ST8SIA1: variants seen among roughly 807,000 people sequenced by gnomAD.
The protein encoded by ST8SIA1 is ST8 alpha-N-acetyl-neuraminide alpha-2,8-sialyltransferase 1.
In ST8SIA1, 16 loss-of-function variants were observed where a neutral mutation model predicts 35.9. The observed-to-expected ratio is 0.45, with a 90% CI of 0.30 to 0.68. The LOEUF (loss-of-function observed/expected upper bound fraction) is 0.68. Ranked by LOEUF, ST8SIA1 falls within the 30% of genes least tolerant of loss-of-function variation. The pLI, the probability that ST8SIA1 is intolerant of heterozygous loss-of-function variation, is 0.09. For missense variants in ST8SIA1, 383 were observed against 453.6 expected (o/e 0.84, Z 1.41); for synonymous variants, 170 against 169.6 (o/e 1.00, Z -0.02).
At chr12:22,280,240 G>A (rs751109835) in intron 2 of ST8SIA1, among the ~76,000 whole-genome samples, 7 of 152,036 alleles carry the variant, frequency 4.6e-5, no homozygotes, top group African/African-American at 7.2e-5. Flanking sequence ...AATTAAAATC[G>A]GAGGCAAATT....
At position 22,281,523 on chromosome 12, in the gene ST8SIA1, A is replaced by T. The variant is rs571412040; in HGVS notation, c.381+5626T>A. Among the ~76,000 whole-genome samples the T allele has an allele frequency of 3.9e-5, 6 of 152,326 alleles. No individual in the cohort carries two copies. In the South Asian group the frequency reaches 1.2e-3, roughly 32 times the overall value. On this transcript the variant is annotated intron_variant, in intron 2 of 4. Transcript: ENST00000396037. ...AGAAGCAATGCAAGGTTTCCCCTTT[A>T]TAAAACTCAAAATAATGTAAATGCT... is the stretch of plus-strand genomic sequence containing the variant.
At chr12:22,263,361 T>G (rs573170530) in intron 2 of ST8SIA1, among the ~76,000 whole-genome samples, 1 of 152,322 alleles carries the variant, frequency 6.6e-6, no homozygotes, top group African/African-American at 2.4e-5. Flanking sequence ...TTGTGATCAT[T>G]CTTCTCCTGG....
chr12:22,334,026 C>A lies in ST8SIA1; in HGVS notation c.207G>T (p.Arg69Ser). The change falls in exon 1 of 5, where the codon AGG becomes AGT. Residue 69 changes from arginine to serine, a missense_variant. Transcript: ENST00000396037. ...ACGCTCTGGCCGCGGTCTGGTTCCT[C>A]CTCCACGCCGTGCCCTGTTGCAGCA... The part of the protein sequence containing the change: ...QGVLQQGTAW[R>S]RNQTAARAFR... The A allele has an allele frequency of 6.2e-7, 1 of 1,613,960 alleles. No homozygotes were observed. Among genetic ancestry groups the A allele is most frequent in the Non-Finnish European group, 8.5e-7 (1 of 1,180,016 alleles).
chr12:22,307,330 A>T (rs1420825660), intron 1 of ST8SIA1, among the ~76,000 whole-genome samples: 1 of 152,098 alleles, frequency 6.6e-6, no homozygotes, highest in Non-Finnish European at 1.5e-5. Context: ...CTCTTGGCCT[A>T]GTCAATCTCC....
chr12:22,324,034 A>T (rs1866640763), intron 1 of ST8SIA1, among the ~76,000 whole-genome samples: 1 of 152,226 alleles, frequency 6.6e-6, no homozygotes, highest in African/African-American at 2.4e-5. Context: ...AAAGAAAGAA[A>T]AAACCAATAT....
chr12:22,316,979 A>C (rs1193425563), intron 1 of ST8SIA1, among the ~76,000 whole-genome samples: 1 of 152,218 alleles, frequency 6.6e-6, no homozygotes, highest in East Asian at 1.9e-4. Context: ...ATTGGAACAC[A>C]ATTCATAAAT....
Position 22,195,737 on chromosome 12 carries a change from T to A in ST8SIA1, c.*5815A>T, listed in dbSNP as rs1028672760. The A allele has an allele frequency of 6.6e-6, 1 of 152,228 alleles. No individual in the cohort carries two copies. Among genetic ancestry groups the A allele is most frequent in the African/African-American group, 2.4e-5 (1 of 41,454 alleles). 9.4% of individuals were successfully genotyped at this position (152,228 alleles called of 1,614,324 possible). On this transcript the variant is annotated 3_prime_UTR_variant, in exon 5 of 5. Transcript: ENST00000396037. The stretch of plus-strand genomic sequence containing the variant: ...TCTCTTCTGAGATCACTCCCAATCA[T>A]CTTTTCAAATTAAAACCAAGATTTT...
chr12:22,271,604 T>C (rs1865912613), intron 2 of ST8SIA1, among the ~76,000 whole-genome samples: 1 of 152,168 alleles, frequency 6.6e-6, no homozygotes, highest in Admixed American at 6.5e-5. Context: ...AAGAATTAAA[T>C]AAAATGATAA....
At chr12:22,310,373 C>T (rs947037360) in intron 1 of ST8SIA1, among the ~76,000 whole-genome samples, 1 of 152,138 alleles carries the variant, frequency 6.6e-6, no homozygotes, top group African/African-American at 2.4e-5. Context: ...GGCTGCACAA[C>T]CTTGTGTCTA....
Position 22,300,050 on chromosome 12 carries a change from G to T in ST8SIA1, c.237-12757C>A, listed in dbSNP as rs183372551. ...TGCCATTATTATTAAGTTTTGGTTT[G>T]CTTAGAAATAAAACTAAGATTTAAA... On this transcript the variant is annotated intron_variant, in intron 1 of 4. Coordinates refer to ENST00000396037, the MANE Select transcript of ST8SIA1 (RefSeq NM_003034.4). 1.2e-3 allele frequency among the ~76,000 whole-genome samples: 180 copies of T among 152,152 alleles called. 1 individual carries two copies. In the East Asian group the frequency reaches 0.031, roughly 26 times the overall value.
intron 1 of ST8SIA1, among the ~76,000 whole-genome samples, chr12:22,323,179 C>T (rs781526835): frequency 4.6e-5 from 7 of 152,202 alleles, no homozygotes; most frequent in Non-Finnish European, 7.3e-5. Context: ...GTTTACCTGC[C>T]ACTGTACATA....
intron 2 of ST8SIA1, among the ~76,000 whole-genome samples, chr12:22,280,985 TTA>T (rs1866027282): frequency 1.3e-5 from 2 of 152,222 alleles, no homozygotes; most frequent in East Asian, 1.9e-4. Context: ...TGTTACTACT[TTA>T]TGTTTCCCGA....
intron 3 of ST8SIA1, among the ~76,000 whole-genome samples, chr12:22,250,149 C>T (rs1033430950): frequency 6.6e-6 from 1 of 152,172 alleles, no homozygotes; most frequent in African/African-American, 2.4e-5. Context: ...CCTTGGCCAC[C>T]ATGTCTTATG....
chr12:22,322,024 C>T (rs886350273), intron 1 of ST8SIA1, among the ~76,000 whole-genome samples: 4 of 152,232 alleles, frequency 2.6e-5, no homozygotes, highest in Non-Finnish European at 5.9e-5. Flanking sequence ...TCCTCTCCAG[C>T]AGTTCACATG....
chr12:22,253,202 C>T (rs1374163303), intron 3 of ST8SIA1, among the ~76,000 whole-genome samples: 1 of 152,200 alleles, frequency 6.6e-6, no homozygotes, highest in Non-Finnish European at 1.5e-5. Context: ...CTGTAGGTCA[C>T]AGACCTAGTC....
chr12:22,309,524 G>C (rs1866425057), intron 1 of ST8SIA1, among the ~76,000 whole-genome samples: 1 of 152,176 alleles, frequency 6.6e-6, no homozygotes, highest in Non-Finnish European at 1.5e-5. Context: ...AATTGTACAT[G>C]TACATGTTTC....
At chr12:22,268,644 AC>A (rs1865876124) in intron 2 of ST8SIA1, 1 of 152,114 alleles carries the variant, frequency 6.6e-6, no homozygotes, top group African/African-American at 2.4e-5. Flanking sequence ...CCCGTTATAA[AC>A]CCATCAGATC....
intron 1 of ST8SIA1, among the ~76,000 whole-genome samples, chr12:22,314,956 C>T (rs915308708): frequency 1.3e-5 from 2 of 152,168 alleles, no homozygotes; most frequent in Non-Finnish European, 2.9e-5. Context: ...ATTCAGCTAA[C>T]TCTCAACCAA....
chr12:22,233,787 A>T (rs1346065130), intron 4 of ST8SIA1, among the ~76,000 whole-genome samples: 1 of 152,178 alleles, frequency 6.6e-6, no homozygotes, highest in Non-Finnish European at 1.5e-5. Context: ...TAATACATGC[A>T]TTACTTACCT....
Sources: allele counts gnomAD v4.1 joint callset (sites outside exome capture counted in the v4.1 genomes callset), GRCh38; gene constraint gnomAD v4.1.1; transcripts MANE v1.5; gene names NCBI Gene and HGNC (gene_info 2026-07-23, HGNC 2026-07-21).